The following TTC21B variants were observed in gnomAD, a reference collection of about 807,000 sequenced individuals.
TTC21B encodes the protein tetratricopeptide repeat domain 21B.
In TTC21B, 127 loss-of-function variants were observed where a neutral mutation model predicts 175.1. The observed-to-expected ratio is 0.73, with a 90% CI of 0.63 to 0.84. TTC21B has a LOEUF of 0.84. TTC21B is among the 40% of genes least tolerant of loss of function. The pLI is 0.00. For synonymous variants in TTC21B, 524 were observed against 524.5 expected (o/e 1.00, Z 0.01); for missense variants, 1,561 against 1,558.3 (o/e 1.00, Z -0.03).
intron 17 of TTC21B, 65 bp from the exon 18 acceptor site, chr2:165,911,530 T>C (rs750768981): frequency 4.4e-6 from 7 of 1,583,248 alleles, no homozygotes; most frequent in African/African-American, 2.7e-5. Flanking sequence ...CAGAGCTATT[T>C]AATACATTAC....
At position 165,907,763 on chromosome 2, in the gene TTC21B, A is replaced by G. The variant is rs767841175; in HGVS notation, c.2483T>C (p.Met828Thr). Residue 828 changes from methionine (M) to threonine (T), a missense_variant, in exon 19 of 29, where the codon ATG becomes ACG. Transcript: ENST00000243344. ...HEPVNELSAL[M>T]EDGRCQVLLA... is the part of the protein sequence containing the mutation. ...AAGAACTTGACAACGTCCATCCTCC[A>G]TGAGAGCTGACAGTTCATTTACTAT... The G allele has an allele frequency of 1.6e-5, 26 of 1,612,136 alleles. No individual in the cohort carries two copies. Among genetic ancestry groups the G allele is most frequent in the Non-Finnish European group, 2.2e-5 (26 of 1,178,800 alleles).
chr2:165,880,991 A>G (rs964848521), intron 26 of TTC21B, among the ~76,000 whole-genome samples, 192 bp from the exon 27 acceptor site: 4 of 152,340 alleles, frequency 2.6e-5, no homozygotes, highest in East Asian at 1.9e-4. Context: ...TCTCCATCAC[A>G]TATCTGCAGA....
chr2:165,899,740 T>C (rs780933538), intron 21 of TTC21B, 30 bp downstream of exon 21: 2 of 1,439,502 alleles, frequency 1.4e-6, no homozygotes, highest in East Asian at 2.3e-5. Flanking sequence ...ACACAAGTGC[T>C]TTTATTGTAC....
At chr2:165,952,407 A>C (rs1172626555) in intron 1 of TTC21B, among the ~76,000 whole-genome samples, 1 of 152,132 alleles carries the variant, frequency 6.6e-6, no homozygotes, top group Non-Finnish European at 1.5e-5. Flanking sequence ...ATAAAGTCTA[A>C]AATGTGTACT....
At chr2:165,918,745 G>A (rs1370048058) in intron 13 of TTC21B, among the ~76,000 whole-genome samples, 5 of 152,098 alleles carry the variant, frequency 3.3e-5, no homozygotes, top group African/African-American at 7.2e-5. Context: ...TTTCCCTAAC[G>A]TTGAGGGGAT....
Position 165,912,610 on chromosome 2 carries a change from T to C in TTC21B, c.2226A>G (p.Ile742Met), listed in dbSNP as rs1347192060. ...YMNILEPEEA[I>M]VAYEQALNQN... ...GATTTAATGCTTGCTCATATGCTAC[T>C]ATGGCTTCTTCAGGCTAATATTGCC... The change falls in exon 17 of 29, where the codon ATA becomes ATG. Residue 742 changes from isoleucine to methionine, a missense_variant. Physicochemically the swap from Ile to Met is conservative, Grantham distance 10. Transcript: ENST00000243344. 2 of 1,613,936 alleles carry C rather than the reference T, an allele frequency of 1.2e-6. No individual in the cohort carries two copies. The highest frequency in any genetic ancestry group is 1.7e-6 in the Non-Finnish European group (2 of 1,179,932).
At chr2:165,895,392 C>T (rs1685329944) in intron 22 of TTC21B, among the ~76,000 whole-genome samples, 1 of 152,164 alleles carries the variant, frequency 6.6e-6, no homozygotes, top group Non-Finnish European at 1.5e-5. Flanking sequence ...CACATGAAGA[C>T]TTCTTCAAAT....
chr2:165,926,471 T>G (rs1686632417), intron 11 of TTC21B, among the ~76,000 whole-genome samples: 1 of 152,114 alleles, frequency 6.6e-6, no homozygotes, highest in Non-Finnish European at 1.5e-5. Context: ...ACTCTCCTCC[T>G]CCTCACCCTG....
chr2:165,886,329 T>A (rs1482279513), intron 25 of TTC21B, among the ~76,000 whole-genome samples: 1 of 152,240 alleles, frequency 6.6e-6, no homozygotes, highest in African/African-American at 2.4e-5. Context: ...CACATTTTGC[T>A]TTGTATTAAG....
At chr2:165,935,489 A>C (rs12476570) in intron 6 of TTC21B, among the ~76,000 whole-genome samples, 66,209 of 152,016 alleles carry the variant, frequency 0.44, 15,160 homozygotes, top group Middle Eastern at 0.57. Flanking sequence ...AATGCTACTC[A>C]GTTTTAAAAT....
intron 12 of TTC21B, among the ~76,000 whole-genome samples, chr2:165,922,179 C>G (rs148199835): frequency 2.6e-5 from 4 of 151,962 alleles, no homozygotes; most frequent in African/African-American, 9.7e-5. Context: ...ATTTAGTAGG[C>G]GATACCCCTT....
intron 18 of TTC21B, 39 bp downstream of exon 18, chr2:165,911,288 A>G (rs946016856): frequency 6.2e-6 from 10 of 1,611,992 alleles, no homozygotes; most frequent in Non-Finnish European, 6.8e-6. Context: ...AATGGATCAG[A>G]GTTATCAGAC....
chr2:165,924,473 C>G (rs1686546182), intron 12 of TTC21B, 76 bp downstream of exon 12: 9 of 1,409,150 alleles, frequency 6.4e-6, no homozygotes, highest in African/African-American at 5.7e-5. Flanking sequence ...TATATATACA[C>G]AGTGCTTAAT....
Position 165,953,739 on chromosome 2 carries a change from G to A in TTC21B, c.-34C>T, listed in dbSNP as rs769376516. The A allele has an allele frequency of 4.9e-5, 75 of 1,544,982 alleles. No individual in the cohort carries two copies. Among genetic ancestry groups the A allele is most frequent in the South Asian group, 7.1e-5 (6 of 83,990 alleles). ...CGAGGCCGGGCCGCGGGGCTCTGGGGATTGTCTCGCCGCAGCCTAAAGGAA... is the reference window on the plus strand; with the variant it reads ...CGAGGCCGGGCCGCGGGGCTCTGGGAATTGTCTCGCCGCAGCCTAAAGGAA... On this transcript the variant is annotated 5_prime_UTR_variant, in exon 1 of 29. Transcript: ENST00000243344.
At chr2:165,921,270 T>C (rs529609695) in intron 12 of TTC21B, among the ~76,000 whole-genome samples, 1 of 152,262 alleles carries the variant, frequency 6.6e-6, no homozygotes, top group Admixed American at 6.5e-5. Context: ...CCATGCCTAT[T>C]TAATGAAATC....
chr2:165,896,681 C>G (rs1408907906), intron 22 of TTC21B, among the ~76,000 whole-genome samples: 1 of 152,154 alleles, frequency 6.6e-6, no homozygotes, highest in East Asian at 1.9e-4. Flanking sequence ...CCTGTGGGAG[C>G]AGCATATTCC....
At chr2:165,947,498 A>G (rs916930826) in intron 3 of TTC21B, 6 of 151,754 alleles carry the variant, frequency 4.0e-5, no homozygotes, top group African/African-American at 1.5e-4. Flanking sequence ...CCACCCCTAC[A>G]ACCCCTTCAG....
chr2:165,930,854 A>G (rs1045156752), intron 8 of TTC21B, among the ~76,000 whole-genome samples: 2 of 151,386 alleles, frequency 1.3e-5, no homozygotes, highest in African/African-American at 4.9e-5. Flanking sequence ...CATCAGTGAG[A>G]ATATTTTAAA....
intron 1 of TTC21B, 134 bp downstream of exon 1, chr2:165,953,551 G>A: frequency 6.9e-7 from 1 of 1,451,580 alleles, no homozygotes; most frequent in Non-Finnish European, 9.3e-7. Context: ...CCCGCAACCC[G>A]AGCAGCCGGG....
Sources: allele counts gnomAD v4.1 joint callset (sites outside exome capture counted in the v4.1 genomes callset), GRCh38; gene constraint gnomAD v4.1.1; transcripts MANE v1.5; gene names NCBI Gene and HGNC (gene_info 2026-07-23, HGNC 2026-07-21).